The following BIRC6 variants were observed in gnomAD, a reference collection of about 807,000 sequenced individuals.
The protein encoded by BIRC6 is dual E2 ubiquitin-conjugating enzyme/E3 ubiquitin-protein ligase BIRC6.
Under a neutral mutation model 503.3 loss-of-function variants are expected in BIRC6, and 98 were observed. That is an observed-to-expected ratio of 0.19 (90% CI 0.17 to 0.23). The LOEUF is 0.23. Ranked by LOEUF, BIRC6 falls within the 10% of genes least tolerant of loss-of-function variation. BIRC6 has a pLI of 1.00. For missense variants in BIRC6, 5,360 were observed against 5,806.0 expected, an observed-to-expected ratio of 0.92 and a Z score of 2.50; for synonymous variants, 2,240 against 2,078.7, an observed-to-expected ratio of 1.08 and a Z score of -2.11.
chr2:32,429,327 AAAAG>A (rs1483113369), intron 11 of BIRC6, 32 bp downstream of exon 11: 3 of 1,405,778 alleles, frequency 2.1e-6, no homozygotes, highest in Non-Finnish European at 1.9e-6. Context: ...TGATTTTAAA[AAAAG>A]AATAGGTAGT....
intron 53 of BIRC6, among the ~76,000 whole-genome samples, chr2:32,512,504 A>G (rs1183512872): frequency 1.3e-5 from 2 of 152,184 alleles, no homozygotes; most frequent in African/African-American, 2.4e-5. Context: ...ATTAAGCTTA[A>G]TTTCCATCTT....
intron 54 of BIRC6, among the ~76,000 whole-genome samples, chr2:32,513,766 C>T (rs774040532): frequency 6.6e-5 from 10 of 152,040 alleles, no homozygotes; most frequent in Admixed American, 2.0e-4. Flanking sequence ...AAAACTAGCC[C>T]GGCGTGGTGG....
At chr2:32,494,139 A>T (rs1332794800) in intron 45 of BIRC6, among the ~76,000 whole-genome samples, 1 of 152,228 alleles carries the variant, frequency 6.6e-6, no homozygotes, top group African/African-American at 2.4e-5. Context: ...GTTGATTATT[A>T]TAATGCATGA....
At chr2:32,503,526 C>T (rs527895545) in intron 49 of BIRC6, among the ~76,000 whole-genome samples, 54 of 152,172 alleles carry the variant, frequency 3.5e-4, no homozygotes, top group South Asian at 1.0e-3. Context: ...TGGGTTCAAG[C>T]GATTCCTGCC....
intron 44 of BIRC6, among the ~76,000 whole-genome samples, chr2:32,492,373 T>C (rs543494134): frequency 1.7e-3 from 257 of 152,128 alleles, no homozygotes; most frequent in African/African-American, 5.9e-3. Flanking sequence ...ATATTTTAAT[T>C]TTACAGATCT....
intron 66 of BIRC6, among the ~76,000 whole-genome samples, chr2:32,589,896 C>G (rs1055216344): frequency 6.6e-6 from 1 of 152,102 alleles, no homozygotes; most frequent in Admixed American, 6.6e-5. Flanking sequence ...CTTCTTATAA[C>G]TATTTTAAGT....
intron 44 of BIRC6, 104 bp downstream of exon 44, chr2:32,491,662 C>A: frequency 8.4e-7 from 1 of 1,184,078 alleles, no homozygotes; most frequent in Admixed American, 2.5e-5. Context: ...AAATAATAGC[C>A]TTTTATGTAT....
intron 66 of BIRC6, among the ~76,000 whole-genome samples, chr2:32,588,094 T>G (rs2061173448): frequency 6.6e-6 from 1 of 152,206 alleles, no homozygotes; most frequent in South Asian, 2.1e-4. Context: ...GTGTGGTGGC[T>G]CACGCCTGTA....
At chr2:32,470,791 T>C (rs2049016417) in intron 31 of BIRC6, among the ~76,000 whole-genome samples, 1 of 152,230 alleles carries the variant, frequency 6.6e-6, no homozygotes, top group African/African-American at 2.4e-5. Flanking sequence ...ACTTAATCTG[T>C]TCTTATACCT....
Position 32,575,156 on chromosome 2 carries a change from T to C in BIRC6, c.13145T>C (p.Val4382Ala), listed in dbSNP as rs774713274. Residue 4382 changes from valine (V) to alanine (A), a missense_variant and splice_region_variant, in exon 66 of 74, where the codon GTT (valine) becomes GCT (alanine). Physicochemically the swap from Val to Ala is moderately conservative, Grantham distance 64 (BLOSUM62 0). Around this residue, in one of 16 missense-constraint regions of BIRC6, gnomAD observed 477 missense variants for 574.4 expected, o/e 0.83. Coordinates refer to ENST00000421745, the MANE Select transcript of BIRC6 (RefSeq NM_016252.4). ...GTGCTTTTTCTTCTTCTCCTTATAGTTCTGGACATGGCAAGACATGTGCCA... is the reference window on the plus strand; with the variant it reads ...GTGCTTTTTCTTCTTCTCCTTATAGCTCTGGACATGGCAAGACATGTGCCA... Reference protein sequence around the residue: ...AMSSYLRNDSVLDMARHVPLY... With the variant: ...AMSSYLRNDSALDMARHVPLY... 1 of 1,613,978 alleles carries C rather than the reference T, an allele frequency of 6.2e-7. No homozygotes were observed. Among genetic ancestry groups the C allele is most frequent in the East Asian group, 2.2e-5 (1 of 44,880 alleles).
At chr2:32,371,922 C>T (rs2036026952) in intron 1 of BIRC6, among the ~76,000 whole-genome samples, 1 of 152,148 alleles carries the variant, frequency 6.6e-6, no homozygotes, top group Non-Finnish European at 1.5e-5. Flanking sequence ...TCTTCTGCCT[C>T]AGCCTCCTGA....
At chr2:32,599,222 G>A (rs1431452031) in intron 69 of BIRC6, among the ~76,000 whole-genome samples, 1 of 151,342 alleles carries the variant, frequency 6.6e-6, no homozygotes. Context: ...TCAGCTACTC[G>A]GGAGGCTGAG....
At chr2:32,609,104 G>A (rs190764288) in intron 72 of BIRC6, among the ~76,000 whole-genome samples, 11 of 152,058 alleles carry the variant, frequency 7.2e-5, no homozygotes, top group Admixed American at 5.9e-4. Context: ...GGCTGGTCTC[G>A]AATGCCTGAC....
intron 22 of BIRC6, among the ~76,000 whole-genome samples, chr2:32,450,784 T>TA (rs1459350253): frequency 1.3e-5 from 2 of 152,190 alleles, no homozygotes; most frequent in African/African-American, 4.8e-5. Flanking sequence ...GTGTATAACT[T>TA]ACACACATCC....
rs537859084 is a variant in BIRC6, at chr2:32,393,025, A to T, written c.951+875A>T. On this transcript the variant is annotated intron_variant, in intron 5 of 73. Coordinates refer to ENST00000421745, the MANE Select transcript of BIRC6 (RefSeq NM_016252.4). ...TCTCTTTTGATGCATGTTTATTTCC[A>T]GTGTTTGACATCTGCATTCATAACA... Among the ~76,000 whole-genome samples the T allele has an allele frequency of 2.0e-4, 30 of 152,152 alleles. No homozygotes were observed. The South Asian group carries it at 6.2e-3, about 32-fold the overall frequency.
At chr2:32,436,296 G>T (rs979345143) in intron 15 of BIRC6, 112 bp downstream of exon 15, 1 of 1,000,368 alleles carries the variant, frequency 1.0e-6, no homozygotes, top group Non-Finnish European at 1.3e-6. Flanking sequence ...ACTTTCGTTC[G>T]AAATTTCATC....
At chr2:32,530,880 A>T (rs1029350055) in intron 60 of BIRC6, among the ~76,000 whole-genome samples, 1 of 152,186 alleles carries the variant, frequency 6.6e-6, no homozygotes, top group South Asian at 2.1e-4. Context: ...TTAAACTAAT[A>T]TGGTATAATT....
chr2:32,384,243 T>G (rs2038116014), intron 3 of BIRC6, among the ~76,000 whole-genome samples: 1 of 152,326 alleles, frequency 6.6e-6, no homozygotes, highest in South Asian at 2.1e-4. Context: ...TGCTTCATCT[T>G]GTAAGGTAGA....
intron 66 of BIRC6, among the ~76,000 whole-genome samples, chr2:32,584,456 C>T (rs2060894641): frequency 6.6e-6 from 1 of 152,062 alleles, no homozygotes; most frequent in South Asian, 2.1e-4. Flanking sequence ...TCGCTTCAAC[C>T]GGGGAGGCGG....
Sources: allele counts gnomAD v4.1 joint callset (sites outside exome capture counted in the v4.1 genomes callset), GRCh38; gene constraint gnomAD v4.1.1; regional missense constraint gnomAD v4.1.1; transcripts MANE v1.5; gene names NCBI Gene and HGNC (gene_info 2026-07-23, HGNC 2026-07-21).